ITSN2: variants seen among roughly 807,000 people sequenced by gnomAD.
ITSN2 encodes intersectin 2, also known as intersectin-2.
In ITSN2, 156 loss-of-function variants were observed where a neutral mutation model predicts 243.7. The observed-to-expected ratio is 0.64, with a 90% CI of 0.56 to 0.73. The LOEUF (loss-of-function observed/expected upper bound fraction) is 0.73, where lower values mean the gene tolerates loss of function less well. Among genes scored for constraint, ITSN2 ranks in the 30% least tolerant of loss-of-function variants. The pLI is 0.00. For synonymous variants in ITSN2, 703 were observed against 699.9 expected (o/e 1.00, Z -0.07); for missense variants, 1,801 against 1,996.1 (o/e 0.90, Z 1.86).
chr2:24,335,980 GC>G (rs529050874), intron 1 of ITSN2, among the ~76,000 whole-genome samples: 44 of 150,246 alleles, frequency 2.9e-4, no homozygotes, highest in African/African-American at 9.5e-4. Flanking sequence ...GGTGGCTCAA[GC>G]CTGTAATCCC....
At chr2:24,221,253 T>C in intron 29 of ITSN2, 187 bp from the exon 30 acceptor site, 1 of 564,992 alleles carries the variant, frequency 1.8e-6, no homozygotes, top group Non-Finnish European at 3.0e-6. Flanking sequence ...GAGCCGGCAC[T>C]CACAGCTCCA....
intron 2 of ITSN2, among the ~76,000 whole-genome samples, chr2:24,317,100 G>A (rs545247156): frequency 6.6e-6 from 1 of 152,282 alleles, no homozygotes; most frequent in South Asian, 2.1e-4. Context: ...AGTGGCAGTG[G>A]CCGGGCGCGG....
rs544971720 is a variant in ITSN2 at position 24,236,866 on chromosome 2, T to A, written c.3577+9263A>T. Among the ~76,000 whole-genome samples the A allele has an allele frequency of 1.3e-3, 203 of 150,748 alleles. 3 individuals are homozygous for A. The highest frequency in any genetic ancestry group is 1.5e-3 in the East Asian group (8 of 5,170). On this transcript the variant is annotated intron_variant, in intron 29 of 39. Transcript: ENST00000355123. ...TATCTATCTATCTATCTTTTATTTT[T>A]TATTTTTTTTTGTAGAGACAGGTTT...
Position 24,310,425 on chromosome 2 carries a change from GT to G in ITSN2, c.557-46del, listed in dbSNP as rs1297477916. On this transcript the variant is annotated intron_variant, in intron 6 of 39. Coordinates refer to ENST00000355123, the MANE Select transcript of ITSN2 (RefSeq NM_006277.3). ...AAAAGTATGAAAGAAATTTGTATCT[GT>G]TCAAACACAAATAGTTTCTTTCTTT... 1.9e-6 allele frequency: 3 copies of G among 1,605,580 alleles called. No individual in the cohort carries two copies. The African/African-American group carries it at 4.0e-5, about 22-fold the overall frequency.
chr2:24,221,219 C>T (rs1246444521), intron 29 of ITSN2, 153 bp from the exon 30 acceptor site: 20 of 730,754 alleles, frequency 2.7e-5, no homozygotes, highest in South Asian at 3.9e-5. Context: ...GAGCAGCATG[C>T]GTACGCGGAG....
chr2:24,288,451 T>C (rs952787905), intron 15 of ITSN2, among the ~76,000 whole-genome samples: 1 of 152,140 alleles, frequency 6.6e-6, no homozygotes, highest in Admixed American at 6.5e-5. Context: ...GTAAATTGGC[T>C]AAGGAGCTAA....
intron 39 of ITSN2, 105 bp from the exon 40 acceptor site, chr2:24,203,888 A>G: frequency 1.6e-6 from 2 of 1,255,770 alleles, no homozygotes. Context: ...ATCTGAAACA[A>G]GGAACTTCTT....
intron 1 of ITSN2, among the ~76,000 whole-genome samples, chr2:24,353,214 C>G (rs759181125): frequency 6.6e-6 from 1 of 151,894 alleles, no homozygotes; most frequent in African/African-American, 2.4e-5. Context: ...AAATAGATAA[C>G]GAAAACACTA....
At chr2:24,267,758 T>C (rs188302275) in intron 20 of ITSN2, among the ~76,000 whole-genome samples, 193 of 152,300 alleles carry the variant, frequency 1.3e-3, no homozygotes, top group African/African-American at 4.5e-3. Context: ...GGTCTTCCTA[T>C]GTTGCCCAGG....
chr2:24,314,056 T>C (rs1351668114), intron 3 of ITSN2, among the ~76,000 whole-genome samples: 1 of 152,216 alleles, frequency 6.6e-6, no homozygotes, highest in Non-Finnish European at 1.5e-5. Flanking sequence ...GCTTTACTGC[T>C]TGCTACAAAA....
intron 1 of ITSN2, among the ~76,000 whole-genome samples, chr2:24,350,784 G>A (rs1050108112): frequency 6.6e-6 from 1 of 152,182 alleles, no homozygotes; most frequent in Non-Finnish European, 1.5e-5. Flanking sequence ...TATATGAAAT[G>A]TCTAGGATAG....
intron 29 of ITSN2, among the ~76,000 whole-genome samples, chr2:24,233,396 G>C (rs371510451): frequency 6.6e-6 from 1 of 151,996 alleles, no homozygotes; most frequent in East Asian, 1.9e-4. Context: ...CAGGTTCTTC[G>C]GTACCTTGGA....
chr2:24,340,253 G>A (rs138868953), intron 1 of ITSN2, among the ~76,000 whole-genome samples: 2,244 of 152,104 alleles, frequency 0.015, 20 homozygotes, highest in Non-Finnish European at 0.021. Context: ...AGGCCGAGGC[G>A]GCAGATTACC....
intron 8 of ITSN2, among the ~76,000 whole-genome samples, chr2:24,307,418 CTTAG>C (rs1472895604): frequency 6.6e-5 from 10 of 150,984 alleles, no homozygotes; most frequent in Non-Finnish European, 8.8e-5. Context: ...TACAGAAAAT[CTTAG>C]TTATGTAATA....
intron 22 of ITSN2, among the ~76,000 whole-genome samples, chr2:24,258,996 C>G (rs1347613652): frequency 6.6e-6 from 1 of 152,182 alleles, no homozygotes; most frequent in East Asian, 1.9e-4. Context: ...TTAATTATGC[C>G]TATGACTTCT....
intron 29 of ITSN2, chr2:24,239,071 C>T (rs181169082): frequency 6.6e-6 from 1 of 152,558 alleles, no homozygotes; most frequent in African/African-American, 2.4e-5. Flanking sequence ...TTTCAAGACA[C>T]ACAAAATAAA....
chr2:24,300,225 G>A (rs1424520476), intron 11 of ITSN2, 54 bp from the exon 12 acceptor site: 2 of 1,562,022 alleles, frequency 1.3e-6, no homozygotes, highest in Non-Finnish European at 1.7e-6. Flanking sequence ...TACAGAACCT[G>A]TAATCTAGTT....
At chr2:24,256,444 T>C (rs1031583377) in intron 23 of ITSN2, among the ~76,000 whole-genome samples, 1 of 152,232 alleles carries the variant, frequency 6.6e-6, no homozygotes, top group African/African-American at 2.4e-5. Flanking sequence ...AGCCTCTTGA[T>C]TGCAAAAGAC....
chr2:24,301,493 C>T (rs935445032), intron 10 of ITSN2, among the ~76,000 whole-genome samples: 10 of 151,082 alleles, frequency 6.6e-5, no homozygotes, highest in Non-Finnish European at 1.5e-4. Flanking sequence ...CATTAGCCTC[C>T]TTATGTATAA....
Sources: gnomAD v4.1 joint callset for allele counts (sites outside exome capture counted in the v4.1 genomes callset) on GRCh38, gnomAD v4.1.1 for gene constraint, MANE v1.5 for transcripts, NCBI Gene and HGNC (gene_info 2026-07-23, HGNC 2026-07-21) for gene names.